Variants in BCAR3 observed in about 807,000 individuals in gnomAD.
The protein encoded by BCAR3 is BCAR3 adaptor protein, NSP family member.
A neutral mutation model predicts 80.1 loss-of-function variants in BCAR3; 37 were observed. The observed-to-expected ratio is 0.46, with a 90% CI of 0.36 to 0.61. The LOEUF is 0.61. BCAR3 is among the 20% of genes least tolerant of loss of function. The probability of loss-of-function intolerance (pLI) is 0.00; values close to 1 mark genes in which losing one functional copy is unlikely to be tolerated. For missense variants in BCAR3, 978 were observed against 1,068.2 expected, an observed-to-expected ratio of 0.92 and a Z score of 1.18; for synonymous variants, 389 against 418.9, an observed-to-expected ratio of 0.93 and a Z score of 0.87.
At chr1:93,761,303 G>T (rs1191817630) in intron 2 of BCAR3, among the ~76,000 whole-genome samples, 1 of 152,138 alleles carries the variant, frequency 6.6e-6, no homozygotes, top group Non-Finnish European at 1.5e-5. Context: ...TTAAAAAGTT[G>T]GAACCAGTGA....
At chr1:93,573,633 A>ATTTTT (rs1156233219) in intron 8 of BCAR3, among the ~76,000 whole-genome samples, 3 of 138,300 alleles carry the variant, frequency 2.2e-5, no homozygotes, top group African/African-American at 8.5e-5. Flanking sequence ...TATTATTATT[A>ATTTTT]TTTTTTTTTT....
chr1:93,623,394 A>G (rs1024425567), intron 3 of BCAR3, among the ~76,000 whole-genome samples: 3 of 152,200 alleles, frequency 2.0e-5, no homozygotes, highest in Non-Finnish European at 2.9e-5. Flanking sequence ...GTGTGAGCCA[A>G]TCAGAATACT....
intron 2 of BCAR3, among the ~76,000 whole-genome samples, chr1:93,717,810 T>C (rs1224436792): frequency 6.6e-6 from 1 of 151,120 alleles, no homozygotes; most frequent in East Asian, 1.9e-4. Flanking sequence ...CTTTGCAGGG[T>C]TGTTATTGGG....
chr1:93,671,331 A>AT (rs1157685109), intron 2 of BCAR3, among the ~76,000 whole-genome samples: 1 of 152,150 alleles, frequency 6.6e-6, no homozygotes, highest in Non-Finnish European at 1.5e-5. Context: ...AGCTAAACAT[A>AT]TTTTTTTGGA....
chr1:93,582,094 C>A (rs1232120822), intron 7 of BCAR3, among the ~76,000 whole-genome samples: 4 of 152,210 alleles, frequency 2.6e-5, no homozygotes, highest in African/African-American at 9.6e-5. Flanking sequence ...AAGGTTGTCC[C>A]AGCTTGTGGT....
chr1:93,659,782 T>C (rs1647564204), intron 2 of BCAR3, among the ~76,000 whole-genome samples: 2 of 151,972 alleles, frequency 1.3e-5, no homozygotes, highest in South Asian at 4.2e-4. Context: ...GGGGTCCCCA[T>C]CCTCTTCTCA....
intron 2 of BCAR3, among the ~76,000 whole-genome samples, chr1:93,742,177 G>A (rs147980617): frequency 1.5e-3 from 228 of 152,288 alleles, no homozygotes; most frequent in African/African-American, 5.1e-3. Context: ...GAGTGAAGAC[G>A]TCTCTTTTGA....
intron 1 of BCAR3, among the ~76,000 whole-genome samples, chr1:93,677,874 T>C (rs996065614): frequency 2.6e-5 from 4 of 152,146 alleles, no homozygotes; most frequent in African/African-American, 9.7e-5. Flanking sequence ...ATAAAGGCAA[T>C]ATTTAAACCA....
At chr1:93,721,700 C>T (rs1424177105) in intron 2 of BCAR3, among the ~76,000 whole-genome samples, 3 of 152,200 alleles carry the variant, frequency 2.0e-5, no homozygotes, top group Admixed American at 6.5e-5. Flanking sequence ...GGAACTGATG[C>T]CTCTCACCGA....
At chr1:93,705,111 G>A (rs1047921728) in intron 3 of BCAR3, among the ~76,000 whole-genome samples, 11 of 152,152 alleles carry the variant, frequency 7.2e-5, no homozygotes, top group African/African-American at 1.9e-4. Flanking sequence ...AGCTCCACCC[G>A]GGGTTGTTTC....
intron 2 of BCAR3, among the ~76,000 whole-genome samples, chr1:93,657,045 T>G (rs1557642556): frequency 6.6e-6 from 1 of 152,196 alleles, no homozygotes; most frequent in Admixed American, 6.5e-5. Context: ...CAAAAAAGAT[T>G]TGCATTGTTT....
chr1:93,638,031 C>T (rs922127988), intron 3 of BCAR3, among the ~76,000 whole-genome samples: 1 of 152,184 alleles, frequency 6.6e-6, no homozygotes, highest in Non-Finnish European at 1.5e-5. Context: ...GAGTGGATCA[C>T]AAGGTCAGGA....
chr1:93,702,465 T>C (rs938834802), intron 3 of BCAR3, among the ~76,000 whole-genome samples: 3 of 151,180 alleles, frequency 2.0e-5, no homozygotes, highest in Non-Finnish European at 4.4e-5. Context: ...AAGTTGAGCC[T>C]GGTTCCCAGA....
At chr1:93,669,497 G>A (rs11164960) in intron 2 of BCAR3, among the ~76,000 whole-genome samples, 2,001 of 152,246 alleles carry the variant, frequency 0.013, 44 homozygotes, top group African/African-American at 0.046. Flanking sequence ...CACTTGTGAC[G>A]AGTCAGTCAG....
At chr1:93,728,784 T>G (rs948405313) in intron 2 of BCAR3, among the ~76,000 whole-genome samples, 1 of 152,154 alleles carries the variant, frequency 6.6e-6, no homozygotes, top group Non-Finnish European at 1.5e-5. Flanking sequence ...GATCTGCTTC[T>G]CTCAACATCC....
rs1275192046 is a variant in BCAR3, at chr1:93,582,385, T to C, written c.1602A>G (p.Thr534=). The change falls in exon 7 of 12, where the codon ACA becomes ACG. Residue 534 remains threonine, a synonymous_variant. Transcript: ENST00000260502. ...FLPPENKPLE[T]AMLKRAKELF... ...GTTCTTTTGCACGTTTCAACATTGC[T>C]GTTTCCAGGGGCTTATTCTCAGGGG... 1 of 1,614,092 alleles carries C rather than the reference T, an allele frequency of 6.2e-7. No individual in the cohort carries two copies. Among genetic ancestry groups the C allele is most frequent in the Non-Finnish European group, 8.5e-7 (1 of 1,180,036 alleles).
At chr1:93,576,318 A>G (rs1306630206) in intron 7 of BCAR3, among the ~76,000 whole-genome samples, 189 bp from the exon 8 acceptor site, 1 of 152,262 alleles carries the variant, frequency 6.6e-6, no homozygotes, top group Non-Finnish European at 1.5e-5. Flanking sequence ...CACATAGTAC[A>G]GTATAAAACT....
chr1:93,837,652 A>G (rs888220754), intron 2 of BCAR3, among the ~76,000 whole-genome samples: 3 of 152,174 alleles, frequency 2.0e-5, no homozygotes, highest in East Asian at 1.9e-4. Flanking sequence ...TTCCTAGCCA[A>G]TCAGGCTCCA....
At chr1:93,567,692 C>T (rs767459552) in intron 10 of BCAR3, 48 bp downstream of exon 10, 1 of 1,549,754 alleles carries the variant, frequency 6.5e-7, no homozygotes, top group Non-Finnish European at 8.9e-7. Context: ...TACTTGTACT[C>T]CACTCCCCAG....
Sources: gnomAD v4.1 joint callset for allele counts (sites outside exome capture counted in the v4.1 genomes callset) on GRCh38, gnomAD v4.1.1 for gene constraint, MANE v1.5 for transcripts, NCBI Gene and HGNC (gene_info 2026-07-23, HGNC 2026-07-21) for gene names.